JAZF1: variants seen among roughly 807,000 people sequenced by gnomAD.
JAZF1 encodes the protein JAZF zinc finger 1.
In JAZF1, 8 loss-of-function variants were observed where a neutral mutation model predicts 26.4. That is an observed-to-expected ratio of 0.30 (90% CI 0.18 to 0.55). JAZF1 has a LOEUF of 0.55. Among genes scored for constraint, JAZF1 ranks in the 20% least tolerant of loss-of-function variants. JAZF1 has a pLI of 0.94. For missense variants in JAZF1, 199 were observed against 322.0 expected (o/e 0.62, Z 2.92); for synonymous variants, 126 against 122.3 (o/e 1.03, Z -0.20).
chr7:28,040,073 A>G (rs1328095567), intron 1 of JAZF1, among the ~76,000 whole-genome samples: 3 of 152,198 alleles, frequency 2.0e-5, no homozygotes, highest in African/African-American at 7.2e-5. Flanking sequence ...AAATGCTGAG[A>G]GTCCAGATAA....
chr7:28,076,920 G>A (rs183104669), intron 1 of JAZF1, among the ~76,000 whole-genome samples: 2 of 152,264 alleles, frequency 1.3e-5, no homozygotes, highest in Admixed American at 1.3e-4. Context: ...CTTGTCAAGT[G>A]GGATTTTGCT....
chr7:28,160,360 T>C (rs1783265695), intron 1 of JAZF1, among the ~76,000 whole-genome samples: 1 of 152,140 alleles, frequency 6.6e-6, no homozygotes, highest in Non-Finnish European at 1.5e-5. Context: ...CTACCTAATA[T>C]GACATACTTT....
intron 3 of JAZF1, among the ~76,000 whole-genome samples, chr7:27,887,998 T>G (rs1018451460): frequency 1.3e-5 from 2 of 152,168 alleles, no homozygotes; most frequent in African/African-American, 4.8e-5. Context: ...CAGAGTAGTA[T>G]ATAAACAAGC....
intron 1 of JAZF1, among the ~76,000 whole-genome samples, chr7:28,058,647 A>G (rs557050171): frequency 2.0e-5 from 3 of 152,292 alleles, no homozygotes; most frequent in East Asian, 1.9e-4. Flanking sequence ...GCTATATCCC[A>G]TAAGTTTTAA....
chr7:27,863,396 G>C (rs1025636064), intron 3 of JAZF1, among the ~76,000 whole-genome samples: 12 of 152,096 alleles, frequency 7.9e-5, no homozygotes, highest in Non-Finnish European at 1.6e-4. Context: ...TCTTCTTCCA[G>C]TTTTTCTCAT....
intron 1 of JAZF1, among the ~76,000 whole-genome samples, chr7:28,079,006 T>C (rs1356684343): frequency 6.6e-6 from 1 of 151,904 alleles, no homozygotes; most frequent in Non-Finnish European, 1.5e-5. Flanking sequence ...TTTTTTTTTT[T>C]TGAGACAGAG....
At chr7:28,170,874 C>T (rs1431336560) in intron 1 of JAZF1, among the ~76,000 whole-genome samples, 1 of 152,206 alleles carries the variant, frequency 6.6e-6, no homozygotes, top group African/African-American at 2.4e-5. Flanking sequence ...CTGGCTACCC[C>T]GGGCATTTTC....
At chr7:27,913,930 C>G (rs1441043122) in intron 2 of JAZF1, among the ~76,000 whole-genome samples, 2 of 151,914 alleles carry the variant, frequency 1.3e-5, no homozygotes, top group Non-Finnish European at 2.9e-5. Context: ...GTTTTCTTAT[C>G]TGTAAATGGG....
intron 3 of JAZF1, among the ~76,000 whole-genome samples, chr7:27,874,682 G>A (rs572387036): frequency 1.1e-4 from 16 of 151,082 alleles, no homozygotes; most frequent in African/African-American, 3.9e-4. Context: ...AAAGAAGCAT[G>A]GCCTGAATCA....
Position 27,875,490 on chromosome 7 carries a change from C to T in JAZF1, c.385+19730G>A, listed in dbSNP as rs184940914. On this transcript the variant is annotated intron_variant, in intron 3 of 4. Coordinates refer to ENST00000283928, the MANE Select transcript of JAZF1 (RefSeq NM_175061.4). ...TCAACGTAGCAAAAAGTGCCAACTC[C>T]TGTCATCTGGGCATGTTTCCCCCAC... Among the ~76,000 whole-genome samples, 21 of 152,336 alleles carry T rather than the reference C, an allele frequency of 1.4e-4. No individual in the cohort carries two copies. The East Asian group carries it at 3.1e-3, about 22-fold the overall frequency.
intron 2 of JAZF1, among the ~76,000 whole-genome samples, chr7:27,932,022 G>A (rs376551441): frequency 3.3e-5 from 5 of 152,216 alleles, no homozygotes; most frequent in South Asian, 2.1e-4. Flanking sequence ...TCAGTCCTGA[G>A]CAGGAACTCG....
At chr7:27,960,110 G>A (rs1252212421) in intron 2 of JAZF1, among the ~76,000 whole-genome samples, 2 of 152,140 alleles carry the variant, frequency 1.3e-5, no homozygotes, top group Non-Finnish European at 2.9e-5. Context: ...CTCTGGAAAA[G>A]GTATACATCT....
chr7:27,920,320 C>A (rs1784507122), intron 2 of JAZF1, among the ~76,000 whole-genome samples: 1 of 152,130 alleles, frequency 6.6e-6, no homozygotes, highest in African/African-American at 2.4e-5. Flanking sequence ...TCAAGGGAGT[C>A]TTTATTTAGC....
At chr7:27,882,032 A>G (rs1783780274) in intron 3 of JAZF1, among the ~76,000 whole-genome samples, 1 of 152,336 alleles carries the variant, frequency 6.6e-6, no homozygotes, top group Non-Finnish European at 1.5e-5. Context: ...GGCTGTAAGG[A>G]AACATCTTAG....
chr7:27,903,339 G>T (rs12535525), intron 2 of JAZF1, among the ~76,000 whole-genome samples: 1 of 151,848 alleles, frequency 6.6e-6, no homozygotes, highest in Non-Finnish European at 1.5e-5. Flanking sequence ...GACTACAGGC[G>T]TTCACCACCA....
At chr7:27,957,305 A>G (rs1172858722) in intron 2 of JAZF1, among the ~76,000 whole-genome samples, 1 of 152,188 alleles carries the variant, frequency 6.6e-6, no homozygotes, top group Non-Finnish European at 1.5e-5. Flanking sequence ...GTGCTTAATT[A>G]TTTATAAAAT....
chr7:27,976,944 G>C (rs1317168266), intron 2 of JAZF1, among the ~76,000 whole-genome samples: 1 of 151,912 alleles, frequency 6.6e-6, no homozygotes, highest in Non-Finnish European at 1.5e-5. Flanking sequence ...TCATTAAGCA[G>C]CTCACATTCT....
At chr7:27,914,643 G>A in intron 2 of JAZF1, 1 of 449,600 alleles carries the variant, frequency 2.2e-6, no homozygotes, top group Non-Finnish European at 4.7e-6. Context: ...GGACAAGAGT[G>A]CTGTGTGGCC....
intron 1 of JAZF1, among the ~76,000 whole-genome samples, chr7:28,091,105 C>T (rs541935294): frequency 2.0e-4 from 30 of 152,044 alleles, no homozygotes; most frequent in Admixed American, 4.6e-4. Context: ...GGATTACAGG[C>T]GTGAGCCACC....
Sources: allele counts gnomAD v4.1 joint callset (sites outside exome capture counted in the v4.1 genomes callset), GRCh38; gene constraint gnomAD v4.1.1; transcripts MANE v1.5; gene names NCBI Gene and HGNC (gene_info 2026-07-23, HGNC 2026-07-21).